The following CSMD1 variants were observed in gnomAD, a reference collection of about 807,000 sequenced individuals.
The protein encoded by CSMD1 is CUB and Sushi multiple domains 1.
Under a neutral mutation model 417.5 loss-of-function variants are expected in CSMD1, and 213 were observed. That is an observed-to-expected ratio of 0.51 (90% CI 0.46 to 0.57). CSMD1 has a LOEUF of 0.57. CSMD1 is among the 20% of genes least tolerant of loss of function. The pLI, the probability that CSMD1 is intolerant of heterozygous loss-of-function variation, is 0.00. For synonymous variants in CSMD1, 2,862 were observed against 1,736.8 expected (o/e 1.65, Z -16.11); for missense variants, 6,923 against 4,529.7 (o/e 1.53, Z -15.17).
chr8:3,251,545 G>T (rs549063682), intron 26 of CSMD1, among the ~76,000 whole-genome samples: 3 of 152,056 alleles, frequency 2.0e-5, no homozygotes, highest in Non-Finnish European at 4.4e-5. Context: ...TTGGCGATGC[G>T]GGCTCTTTTT....
At chr8:3,726,185 T>G (rs1802484698) in intron 6 of CSMD1, among the ~76,000 whole-genome samples, 1 of 152,100 alleles carries the variant, frequency 6.6e-6, no homozygotes, top group Admixed American at 6.6e-5. Context: ...AATCAGCTCT[T>G]GGAACTCAGC....
At position 4,155,693 on chromosome 8, in the gene CSMD1, C is replaced by G. The variant is rs185417478; in HGVS notation, c.416-123594G>C. On this transcript the variant is annotated intron_variant, in intron 3 of 69. Coordinates refer to ENST00000635120, the MANE Select transcript of CSMD1 (RefSeq NM_033225.6). ...GACAGATTTTAAGCAAATTTCTAAT[C>G]AACAGTGTTCTACTTCGTCAAATCA... Among the ~76,000 whole-genome samples the G allele has an allele frequency of 7.0e-4, 107 of 152,188 alleles. 1 individual carries two copies. Among genetic ancestry groups the G allele is most frequent in the Admixed American group, 2.4e-3 (36 of 15,290 alleles).
intron 4 of CSMD1, among the ~76,000 whole-genome samples, chr8:4,029,535 G>A (rs560216412): frequency 6.6e-6 from 1 of 152,226 alleles, no homozygotes; most frequent in South Asian, 2.1e-4. Flanking sequence ...GCGCAGGAAA[G>A]AACTGCCTCC....
At chr8:3,966,032 A>G (rs1812659358) in intron 5 of CSMD1, among the ~76,000 whole-genome samples, 1 of 152,356 alleles carries the variant, frequency 6.6e-6, no homozygotes, top group Admixed American at 6.5e-5. Context: ...GAAGCAGAAG[A>G]CACTGGTGAG....
intron 2 of CSMD1, among the ~76,000 whole-genome samples, chr8:4,610,137 T>C (rs552462156): frequency 6.6e-6 from 1 of 150,564 alleles, no homozygotes; most frequent in Admixed American, 6.7e-5. Flanking sequence ...TAAAGACTAA[T>C]AGGTTATGAA....
At chr8:4,524,707 C>A (rs1258869828) in intron 2 of CSMD1, among the ~76,000 whole-genome samples, 3 of 151,084 alleles carry the variant, frequency 2.0e-5, no homozygotes, top group Non-Finnish European at 1.5e-5. Flanking sequence ...GTTTTTAAAA[C>A]CAAATCTGAT....
At chr8:4,016,178 T>C (rs1044431392) in intron 4 of CSMD1, among the ~76,000 whole-genome samples, 1 of 152,182 alleles carries the variant, frequency 6.6e-6, no homozygotes, top group Non-Finnish European at 1.5e-5. Flanking sequence ...GTTCATAACG[T>C]AACACTTGCC....
intron 10 of CSMD1, among the ~76,000 whole-genome samples, chr8:3,520,546 C>T (rs189689619): frequency 1.3e-5 from 2 of 152,016 alleles, no homozygotes; most frequent in African/African-American, 2.4e-5. Flanking sequence ...TTGTCAAATC[C>T]CATCATTTCT....
At chr8:4,962,100 T>C (rs1809530054) in intron 1 of CSMD1, among the ~76,000 whole-genome samples, 1 of 91,980 alleles carries the variant, frequency 1.1e-5, no homozygotes, top group Non-Finnish European at 2.1e-5. Context: ...CATGTAAGTA[T>C]GTATTTTTTT....
chr8:4,334,748 G>C (rs145237592), intron 3 of CSMD1, among the ~76,000 whole-genome samples: 2 of 152,092 alleles, frequency 1.3e-5, no homozygotes, highest in Non-Finnish European at 2.9e-5. Context: ...CGATACGCTC[G>C]ACTCTACTGT....
chr8:3,072,910 G>A (rs1432087175), intron 49 of CSMD1, among the ~76,000 whole-genome samples: 7 of 152,074 alleles, frequency 4.6e-5, no homozygotes, highest in Admixed American at 4.6e-4. Context: ...CCCAGTATTT[G>A]CCTTCAAGTG....
intron 10 of CSMD1, among the ~76,000 whole-genome samples, chr8:3,564,551 A>G (rs368746949): frequency 0.046 from 1,633 of 35,734 alleles, 32 homozygotes; most frequent in African/African-American, 0.12. Flanking sequence ...GTGTGTGTGT[A>G]TAATACATGT....
At position 3,106,548 on chromosome 8, in the gene CSMD1, C is replaced by G. The variant is rs780060162; in HGVS notation, c.6929G>C (p.Gly2310Ala). Reference sequence around the variant, plus strand: ...CATACCTTCACATGTTGGGAGAGAACCCTCAAACTGCAACTGGGAACTGAG... The same window carrying G: ...CATACCTTCACATGTTGGGAGAGAAGCCTCAAACTGCAACTGGGAACTGAG... ...CKLSSQLQFE[G>A]SLPTCEAQCP... The change falls in exon 46 of 70, where the codon GGT becomes GCT. Residue 2310 changes from glycine to alanine, a missense_variant. Transcript: ENST00000635120. 17 of 1,613,186 alleles carry G rather than the reference C, an allele frequency of 1.1e-5. No homozygotes were observed. In the South Asian group the frequency reaches 1.9e-4, roughly 18 times the overall value.
At chr8:4,278,323 T>C (rs1796598337) in intron 3 of CSMD1, among the ~76,000 whole-genome samples, 1 of 152,182 alleles carries the variant, frequency 6.6e-6, no homozygotes, top group African/African-American at 2.4e-5. Context: ...GCTGGTAATC[T>C]ACAAAATGGC....
chr8:4,358,851 C>T (rs2128906236), intron 3 of CSMD1, among the ~76,000 whole-genome samples: 1 of 152,194 alleles, frequency 6.6e-6, no homozygotes, highest in Non-Finnish European at 1.5e-5. Context: ...GCTCAAATAA[C>T]TTTTAAACAC....
intron 7 of CSMD1, among the ~76,000 whole-genome samples, chr8:3,619,624 T>A (rs1802320620): frequency 6.6e-6 from 1 of 152,008 alleles, no homozygotes; most frequent in Non-Finnish European, 1.5e-5. Flanking sequence ...AGGATAAACA[T>A]CAAGAGATCC....
rs114191055 is a variant in CSMD1 at position 3,624,633 on chromosome 8, T to C, written c.1010-7836A>G. 4.0e-3 allele frequency among the ~76,000 whole-genome samples: 613 copies of C among 152,284 alleles called. 5 individuals carry two copies. The highest frequency in any genetic ancestry group is 0.014 in the African/African-American group (566 of 41,566). On this transcript the variant is annotated intron_variant, in intron 7 of 69. Coordinates refer to ENST00000635120, the MANE Select transcript of CSMD1 (RefSeq NM_033225.6). ...TGCATAACCATCAGGAAAGTGGTTA[T>C]ACAAAACATGTTCTCATTGAAATTT...
intron 1 of CSMD1, among the ~76,000 whole-genome samples, chr8:4,774,547 T>A (rs1796750500): frequency 6.6e-6 from 1 of 152,160 alleles, no homozygotes; most frequent in Non-Finnish European, 1.5e-5. Context: ...CAGGCAGACA[T>A]ATAGACATTC....
chr8:4,664,686 C>T (rs1040377164), intron 1 of CSMD1, among the ~76,000 whole-genome samples: 1 of 152,122 alleles, frequency 6.6e-6, no homozygotes, highest in African/African-American at 2.4e-5. Context: ...GGTTGGGAGC[C>T]ATACACAGCA....
Sources: gnomAD v4.1 joint callset for allele counts (sites outside exome capture counted in the v4.1 genomes callset) on GRCh38, gnomAD v4.1.1 for gene constraint, MANE v1.5 for transcripts, NCBI Gene and HGNC (gene_info 2026-07-23, HGNC 2026-07-21) for gene names.